Variants in NDUFAB1 observed in about 807,000 individuals in gnomAD.
NDUFAB1 encodes the protein NADH:ubiquinone oxidoreductase subunit AB1.
NDUFAB1 carries 5 observed loss-of-function variants against 16.1 expected under a neutral mutation model. The observed-to-expected ratio is 0.31, with a 90% CI of 0.16 to 0.65. The LOEUF (loss-of-function observed/expected upper bound fraction) is 0.65, where lower values mean the gene tolerates loss of function less well. Among genes scored for constraint, NDUFAB1 ranks in the 30% least tolerant of loss-of-function variants. NDUFAB1 has a pLI of 0.77. For synonymous variants in NDUFAB1, 85 were observed against 78.4 expected (o/e 1.08, Z -0.44); for missense variants, 187 against 205.3 (o/e 0.91, Z 0.54).
intron 1 of NDUFAB1, 39 bp downstream of exon 1, chr16:23,596,082 CCT>C: frequency 6.3e-7 from 1 of 1,594,808 alleles, no homozygotes; most frequent in South Asian, 1.1e-5. Flanking sequence ...GGGCCCAATC[CCT>C]GACCCTTGCC....
intron 1 of NDUFAB1, among the ~76,000 whole-genome samples, chr16:23,588,481 A>T (rs1307473384): frequency 6.6e-6 from 1 of 152,042 alleles, no homozygotes; most frequent in Non-Finnish European, 1.5e-5. Context: ...AGAAATCCCT[A>T]ATCTAAATTG....
At chr16:23,586,538 T>G (rs1966234860) in intron 2 of NDUFAB1, among the ~76,000 whole-genome samples, 3 of 151,826 alleles carry the variant, frequency 2.0e-5, no homozygotes, top group African/African-American at 7.3e-5. Flanking sequence ...TTTCACCATC[T>G]TGGCCAGGCT....
rs1174968519 is a variant in NDUFAB1 at position 23,596,312 on chromosome 16, A to G, written c.-22T>C. ...CCATGGCTACGCCAACCCAGGATGC[A>G]CTGCGCCGCCGCCTCCGGACCAGGG... On this transcript the variant is annotated 5_prime_UTR_variant, in exon 1 of 5. Coordinates refer to ENST00000007516, the MANE Select transcript of NDUFAB1 (RefSeq NM_005003.3). The G allele has an allele frequency of 3.9e-6, 6 of 1,527,470 alleles. No homozygotes were observed. In the Admixed American group the frequency reaches 1.3e-4, roughly 33 times the overall value. 94.6% of individuals were successfully genotyped at this position (1,527,470 alleles called of 1,614,324 possible). A position where few individuals can be genotyped will look rare whatever the true frequency, so the allele number is the denominator to read the frequency against.
chr16:23,593,849 CTTATTTATTTATTTATTTAT>C lies in NDUFAB1; in HGVS notation c.168+2254_168+2273del, dbSNP rs57003710. Among the ~76,000 whole-genome samples the C allele has an allele frequency of 7.7e-4, 111 of 143,590 alleles. 2 individuals are homozygous for C. The highest frequency in any genetic ancestry group is 2.4e-3 in the African/African-American group (91 of 38,536). 94.2% of individuals were successfully genotyped at this position (143,590 alleles called of 152,430 possible). On this transcript the variant is annotated intron_variant, in intron 1 of 4. Coordinates refer to ENST00000007516, the MANE Select transcript of NDUFAB1 (RefSeq NM_005003.3). ...AATTCTAACTACTGCCTTTTTAACC[CTTATTTATTTATTTATTTAT>C]TTATTTATTTATTTATTTATTTATT...
At chr16:23,592,983 C>G (rs141269623) in intron 1 of NDUFAB1, among the ~76,000 whole-genome samples, 2 of 152,138 alleles carry the variant, frequency 1.3e-5, no homozygotes, top group African/African-American at 4.8e-5. Flanking sequence ...TAAGAGAACT[C>G]GGGAGCCCAC....
At chr16:23,594,286 T>C (rs1328258471) in intron 1 of NDUFAB1, among the ~76,000 whole-genome samples, 2 of 152,182 alleles carry the variant, frequency 1.3e-5, no homozygotes, top group African/African-American at 4.8e-5. Context: ...CAACACTGGC[T>C]TCACAAAAGA....
Position 23,585,326 on chromosome 16 carries a change from T to A in NDUFAB1, c.379+10A>T, listed in dbSNP as rs751521733. 5.0e-6 allele frequency: 8 copies of A among 1,598,794 alleles called. No homozygotes were observed. The East Asian group carries it at 8.9e-5, about 18-fold the overall frequency. ...AAATCGCAGTGTGTAGATAGAAGAC[T>A]GAGCCTTACCAAATTCGTCTTCCAT... On this transcript the variant is annotated intron_variant, in intron 3 of 4. Coordinates refer to ENST00000007516, the MANE Select transcript of NDUFAB1 (RefSeq NM_005003.3).
At position 23,582,295 on chromosome 16, in the gene NDUFAB1, C is replaced by T. The variant is rs1966185983; in HGVS notation, c.460G>A (p.Val154Ile). The stretch of plus-strand genomic sequence containing the variant: ...ATTTACCTGATACTTTATTCATATA[C>T]ATCCTTCTTATCTGCAATGTAATCT... ...IVDYIADKKD[V>I]YE is the part of the protein sequence containing the mutation. The change falls in exon 4 of 5, where the codon GTA becomes ATA. Residue 154 changes from valine (V) to isoleucine (I), a missense_variant. By Grantham distance (29) the Val-to-Ile change is conservative. Around this residue, in one of 3 missense-constraint regions of NDUFAB1, gnomAD observed 32 missense variants for 28.8 expected, o/e 1.11. Coordinates refer to ENST00000007516, the MANE Select transcript of NDUFAB1 (RefSeq NM_005003.3). 6.4e-7 allele frequency: 1 copy of T among 1,555,850 alleles called. No homozygotes were observed.
chr16:23,595,075 A>AC (rs1966312231), intron 1 of NDUFAB1, among the ~76,000 whole-genome samples: 1 of 150,788 alleles, frequency 6.6e-6, no homozygotes, highest in South Asian at 2.1e-4. Flanking sequence ...ATATGATGAA[A>AC]CCCCGTCTCC....
chr16:23,584,079 C>T (rs1159924988), intron 3 of NDUFAB1, among the ~76,000 whole-genome samples: 1 of 151,132 alleles, frequency 6.6e-6, no homozygotes, highest in East Asian at 1.9e-4. Flanking sequence ...TAAGAGTCAT[C>T]ACCACTCCCT....
At chr16:23,581,495 G>A (rs1336898887) in intron 4 of NDUFAB1, among the ~76,000 whole-genome samples, 1 of 150,122 alleles carries the variant, frequency 6.7e-6, no homozygotes, top group Non-Finnish European at 1.5e-5. Context: ...GCAGTGAGCC[G>A]AGATTGTGCC....
At chr16:23,585,264 G>A (rs1008045438) in intron 3 of NDUFAB1, 72 bp downstream of exon 3, 8 of 1,096,020 alleles carry the variant, frequency 7.3e-6, no homozygotes, top group Admixed American at 5.3e-5. Flanking sequence ...CAATTCAGAC[G>A]CCCACCACTT....
At chr16:23,595,787 C>T (rs1567410551) in intron 1 of NDUFAB1, 1 of 498,422 alleles carries the variant, frequency 2.0e-6, no homozygotes, top group Non-Finnish European at 3.7e-6. Flanking sequence ...GCCGCATTAA[C>T]TCATCTAATC....
In NDUFAB1 at chr16:23,592,372, C is replaced by T. The variant is rs186411380; in HGVS notation, c.168+3751G>A. Among the ~76,000 whole-genome samples, 29 of 148,424 alleles carry T rather than the reference C, an allele frequency of 2.0e-4. No individual in the cohort carries two copies. In the East Asian group the frequency reaches 4.5e-3, roughly 23 times the overall value. ...AAAAAAAAAAAAAGTCATGAAAGTG[C>T]AGTGCCTGTGTCTATGTGAGAAGAC... is the stretch of plus-strand genomic sequence containing the variant. On this transcript the variant is annotated intron_variant, in intron 1 of 4. Coordinates refer to ENST00000007516, the MANE Select transcript of NDUFAB1 (RefSeq NM_005003.3).
In NDUFAB1 at chr16:23,582,292, A is replaced by G. The variant is rs149352179; in HGVS notation, c.463T>C (p.Tyr155His). The part of the protein sequence containing the change: ...VDYIADKKDV[Y>H]E ...TCTATTTACCTGATACTTTATTCAT[A>G]TACATCCTTCTTATCTGCAATGTAA... Residue 155 changes from tyrosine (Y) to histidine (H), a missense_variant, in exon 4 of 5, where the codon TAT becomes CAT. Transcript: ENST00000007516. 4 of 1,552,598 alleles carry G rather than the reference A, an allele frequency of 2.6e-6. No homozygotes were observed. The highest frequency in any genetic ancestry group is 3.5e-6 in the Non-Finnish European group (4 of 1,151,600).
intron 1 of NDUFAB1, chr16:23,590,898 A>G (rs546753801): frequency 2.0e-5 from 3 of 152,250 alleles, no homozygotes; most frequent in East Asian, 1.9e-4. Context: ...CAGCCTCTCA[A>G]AGTGCTGGGA....
rs1000540966 is a variant in NDUFAB1, at chr16:23,594,132, C to T, written c.168+1991G>A. On this transcript the variant is annotated intron_variant, in intron 1 of 4. Transcript: ENST00000007516. Reference sequence around the variant, plus strand: ...TCCTGACCTCGTGATCCGCCCGTCTCGGCCTCCCAAACTGCTGGGATTACA... The same window carrying T: ...TCCTGACCTCGTGATCCGCCCGTCTTGGCCTCCCAAACTGCTGGGATTACA... Among the ~76,000 whole-genome samples the T allele has an allele frequency of 4.1e-4, 62 of 151,908 alleles. 1 individual carries two copies. Among genetic ancestry groups the T allele is most frequent in the African/African-American group, 1.3e-3 (55 of 41,342 alleles).
chr16:23,588,285 T>C (rs867915422), intron 1 of NDUFAB1, among the ~76,000 whole-genome samples: 5 of 151,736 alleles, frequency 3.3e-5, no homozygotes, highest in African/African-American at 9.7e-5. Context: ...TGAAACCCCG[T>C]CTCTACTAAA....
rs1348904340 is a variant in NDUFAB1 at position 23,581,193 on chromosome 16, T to C, written c.*9-20A>G. 3 of 152,454 alleles carry C rather than the reference T, an allele frequency of 2.0e-5. No homozygotes were observed. Among genetic ancestry groups the C allele is most frequent in the Non-Finnish European group, 4.4e-5 (3 of 68,020 alleles). The allele number at this position is 152,454 out of a possible 1,614,324, so 9.4% of individuals were successfully genotyped here. On this transcript the variant is annotated intron_variant, in intron 4 of 4. Coordinates refer to ENST00000007516, the MANE Select transcript of NDUFAB1 (RefSeq NM_005003.3). ...AAGGGTCTGGAAAAGACAAAATAAG[T>C]TCAATGTTATTTTTGATGTATTCTT...
Sources: gnomAD v4.1 joint callset for allele counts (sites outside exome capture counted in the v4.1 genomes callset) on GRCh38, gnomAD v4.1.1 for gene constraint, gnomAD v4.1.1 regional missense constraint, MANE v1.5 for transcripts, NCBI Gene and HGNC (gene_info 2026-07-23, HGNC 2026-07-21) for gene names.